Variants in SORBS2 observed in about 807,000 individuals in gnomAD.
The protein encoded by SORBS2 is sorbin and SH3 domain-containing protein 2.
A neutral mutation model predicts 97.7 loss-of-function variants in SORBS2; 46 were observed. That is an observed-to-expected ratio of 0.47 (90% CI 0.37 to 0.60). The LOEUF is 0.60. Among genes scored for constraint, SORBS2 ranks in the 20% least tolerant of loss-of-function variants. The pLI, the probability that SORBS2 is intolerant of heterozygous loss-of-function variation, is 0.00. For synonymous variants in SORBS2, 476 were observed against 473.4 expected (o/e 1.01, Z -0.07); for missense variants, 1,316 against 1,282.3 (o/e 1.03, Z -0.40).
At chr4:185,740,652 T>TTAACTCAGCCCAACAC (rs1466373813) in intron 2 of SORBS2, among the ~76,000 whole-genome samples, 88 of 148,830 alleles carry the variant, frequency 5.9e-4, no homozygotes, top group Middle Eastern at 3.4e-3. Flanking sequence ...CAGCCCAATA[T>TTAACTCAGCCCAACAC]TAACTCAGCC....
chr4:185,752,497 C>T (rs967083215), intron 2 of SORBS2, among the ~76,000 whole-genome samples: 5 of 152,158 alleles, frequency 3.3e-5, no homozygotes, highest in Admixed American at 6.5e-5. Context: ...AGGATGGTCT[C>T]GATCTCCTGA....
Position 185,668,139 on chromosome 4 carries a change from A to G in SORBS2, c.-45-5897T>C, listed in dbSNP as rs532433637. Among the ~76,000 whole-genome samples the G allele has an allele frequency of 2.1e-4, 32 of 152,336 alleles. No individual in the cohort carries two copies. The East Asian group carries it at 6.2e-3, about 29-fold the overall frequency. On this transcript the variant is annotated intron_variant, in intron 4 of 20. Coordinates refer to the SORBS2 transcript ENST00000284776. ...TTTCAAATTAAAAGAAAAAAATCTA[A>G]TGACTTTAACCCCCATTGGACTGAC...
intron 14 of SORBS2, 86 bp from the exon 27 acceptor site, chr4:185,587,774 C>T: frequency 9.5e-7 from 1 of 1,052,074 alleles, no homozygotes; most frequent in Non-Finnish European, 1.5e-6. Context: ...TTTACAAGGC[C>T]TCGGAAGACA....
rs536422954 is a variant in SORBS2, at chr4:185,623,628, C to T, written c.1501G>A (p.Asp501Asn). The change falls in exon 7 of 15, where the codon GAC becomes AAC. Residue 501 changes from aspartate (D) to asparagine (N), a missense_variant. Asp to Asn is a conservative substitution (Grantham distance 23). Coordinates refer to ENST00000418609, the Ensembl canonical transcript of SORBS2. The surrounding 1 kb of genome is among the most constrained non-coding windows in gnomAD (Gnocchi z 6.4). ...GACACAACCCCGTCCTGGTCGCTGT[C>T]GGAAAACTCCACGTGTGCTCGGGGC... The T allele has an allele frequency of 5.5e-5, 88 of 1,614,102 alleles. 2 individuals are homozygous for T. The South Asian group carries it at 8.2e-4, about 15-fold the overall frequency.
At chr4:185,760,689 A>G (rs142210642) in intron 2 of SORBS2, among the ~76,000 whole-genome samples, 2 of 152,262 alleles carry the variant, frequency 1.3e-5, no homozygotes, top group Non-Finnish European at 2.9e-5. Context: ...ATACACCACA[A>G]AAAAGCTCGG....
At chr4:185,609,446 G>A (rs894886467) in intron 12 of SORBS2, among the ~76,000 whole-genome samples, 2 of 152,102 alleles carry the variant, frequency 1.3e-5, no homozygotes, top group African/African-American at 4.8e-5. Flanking sequence ...CTGCGACTAC[G>A]CTGTGCCGTC....
intron 2 of SORBS2, among the ~76,000 whole-genome samples, chr4:185,729,829 C>T (rs73015584): frequency 3.9e-5 from 6 of 152,110 alleles, no homozygotes; most frequent in African/African-American, 9.7e-5. Context: ...AAATATAACA[C>T]GCAGTGTAGA....
At chr4:185,835,473 C>T (rs2099207505) in intron 1 of SORBS2, among the ~76,000 whole-genome samples, 1 of 152,086 alleles carries the variant, frequency 6.6e-6, no homozygotes, top group African/African-American at 2.4e-5. Flanking sequence ...GAACTTATGA[C>T]ATTTTTTCCC....
intron 9 of SORBS2, 197 bp from the exon 22 acceptor site, chr4:185,615,356 G>T: frequency 1.8e-6 from 1 of 569,490 alleles, no homozygotes; most frequent in Non-Finnish European, 3.1e-6. Context: ...CTTTAGAAAT[G>T]ATTTCAAACA....
chr4:185,859,364 C>T lies in SORBS2; in HGVS notation c.-337-83998G>A, dbSNP rs6846281. ...CCTTATCCTCCCAGCTGCTCCTCCA[C>T]GCTGTGCCTGCCTCTCTCTTATCTC... On this transcript the variant is annotated intron_variant, in intron 1 of 20. Coordinates refer to the SORBS2 transcript ENST00000284776. 3.9e-3 allele frequency among the ~76,000 whole-genome samples: 588 copies of T among 152,318 alleles called. 4 individuals are homozygous for T. The highest frequency in any genetic ancestry group is 0.013 in the African/African-American group (545 of 41,564).
chr4:185,639,181 G>A lies in SORBS2; in HGVS notation c.396+7487C>T, dbSNP rs186791970. The A allele has an allele frequency of 3.1e-3, 2,062 of 674,450 alleles. 14 individuals are homozygous for A. Among genetic ancestry groups the A allele is most frequent in the South Asian group, 0.014 (589 of 41,428 alleles). 41.8% of individuals were successfully genotyped at this position (674,450 alleles called of 1,614,324 possible). ...GCGAAGTGTCCCTAGGGACCCAGAC[G>A]CCTCGGGAGCGATCCGGGCCGCTGC... is the stretch of plus-strand genomic sequence containing the variant. On this transcript the variant is annotated intron_variant, in intron 4 of 14. Coordinates refer to ENST00000418609, the Ensembl canonical transcript of SORBS2.
intron 12 of SORBS2, among the ~76,000 whole-genome samples, chr4:185,598,110 G>A (rs754361577): frequency 5.9e-5 from 9 of 152,144 alleles, no homozygotes; most frequent in Non-Finnish European, 1.3e-4. Flanking sequence ...ATTCAGAGAG[G>A]CTTACATGAG....
At chr4:185,617,027 G>A (rs905142819) in intron 9 of SORBS2, among the ~76,000 whole-genome samples, 29 of 152,174 alleles carry the variant, frequency 1.9e-4, no homozygotes, top group Admixed American at 2.0e-4. Flanking sequence ...GGGATTACAG[G>A]CATGAGCCAC....
intron 4 of SORBS2, among the ~76,000 whole-genome samples, chr4:185,673,331 C>T (rs2097746537): frequency 6.6e-6 from 1 of 152,072 alleles, no homozygotes; most frequent in Admixed American, 6.6e-5. Context: ...ATGTTCTTAC[C>T]AAAATTTTAA....
chr4:185,699,768 C>G (rs900521806), intron 2 of SORBS2, among the ~76,000 whole-genome samples: 2 of 151,946 alleles, frequency 1.3e-5, no homozygotes, highest in Non-Finnish European at 2.9e-5. Context: ...TCTTTGGGAT[C>G]TAATAAAAGT....
intron 9 of SORBS2, among the ~76,000 whole-genome samples, chr4:185,617,508 G>A (rs1319878124): frequency 6.8e-6 from 1 of 146,858 alleles, no homozygotes; most frequent in Non-Finnish European, 1.5e-5. Flanking sequence ...ATTTTTATGA[G>A]TAAATTATTT....
intron 1 of SORBS2, among the ~76,000 whole-genome samples, chr4:185,780,176 C>T (rs895329280): frequency 8.6e-5 from 13 of 151,986 alleles, no homozygotes; most frequent in South Asian, 2.1e-4. Context: ...TCACCACACC[C>T]GGTTAATTTT....
At chr4:185,628,058 G>A (rs931717751) in intron 5 of SORBS2, among the ~76,000 whole-genome samples, 5 of 152,072 alleles carry the variant, frequency 3.3e-5, no homozygotes, top group South Asian at 2.1e-4. Context: ...ACATGGATGC[G>A]CCACAGTTTA....
At chr4:185,933,514 G>A (rs1392830324) in intron 1 of SORBS2, 1 of 152,128 alleles carries the variant, frequency 6.6e-6, no homozygotes, top group African/African-American at 2.4e-5. Flanking sequence ...TCCTTCTGAG[G>A]CTGTGCGGGA....
Sources: gnomAD v4.1 joint callset for allele counts (sites outside exome capture counted in the v4.1 genomes callset) on GRCh38, gnomAD v4.1.1 for gene constraint, Gnocchi (gnomAD v3.1) non-coding constraint, MANE v1.5 for transcripts, NCBI Gene and HGNC (gene_info 2026-07-23, HGNC 2026-07-21) for gene names.